CTNNAL1: variants seen among roughly 807,000 people sequenced by gnomAD.
CTNNAL1 encodes the protein alpha-catulin.
In CTNNAL1, 69 loss-of-function variants were observed where a neutral mutation model predicts 93.6. The ratio of observed to expected loss-of-function variants is 0.74; its 90% CI spans 0.61 to 0.90. CTNNAL1 has a LOEUF of 0.90. Among genes scored for constraint, CTNNAL1 ranks in the 40% least tolerant of loss-of-function variants. The pLI, the probability that CTNNAL1 is intolerant of heterozygous loss-of-function variation, is 0.00. For synonymous variants in CTNNAL1, 286 were observed against 305.4 expected, an observed-to-expected ratio of 0.94 and a Z score of 0.66; for missense variants, 836 against 862.0, an observed-to-expected ratio of 0.97 and a Z score of 0.38.
chr9:109,004,902 T>C (rs950703791), intron 1 of CTNNAL1, among the ~76,000 whole-genome samples: 1 of 152,194 alleles, frequency 6.6e-6, no homozygotes, highest in Non-Finnish European at 1.5e-5. Flanking sequence ...ATACTATAAT[T>C]AGCTATCTTA....
At chr9:109,008,008 G>T (rs939107570) in intron 1 of CTNNAL1, among the ~76,000 whole-genome samples, 2 of 151,966 alleles carry the variant, frequency 1.3e-5, no homozygotes, top group African/African-American at 4.8e-5. Context: ...TATAGCTGTG[G>T]TTTATTCATT....
In CTNNAL1 at chr9:109,013,394, A is replaced by G; in HGVS notation, c.49T>C (p.Tyr17His). 1 of 1,501,838 alleles carries G rather than the reference A, an allele frequency of 6.7e-7. No homozygotes were observed. Among genetic ancestry groups the G allele is most frequent in the South Asian group, 1.3e-5 (1 of 79,404 alleles). 93.0% of individuals were successfully genotyped at this position (1,501,838 alleles called of 1,614,324 possible). A position where few individuals can be genotyped will look rare whatever the true frequency, so the allele number is the denominator to read the frequency against. ...GCGAAGCCCGAAGAGCCGGAGCCGT[A>G]GACTGCTCCGGCGCCGCCAACGCCG... ...PAGVGGAGAV[Y>H]GSGSSGFALD... The change falls in exon 1 of 19, where the codon TAC becomes CAC. Residue 17 changes from tyrosine (Y) to histidine (H), a missense_variant. Physicochemically the swap from Tyr to His is moderately conservative, Grantham distance 83 (BLOSUM62 2). Coordinates refer to ENST00000325551, the MANE Select transcript of CTNNAL1 (RefSeq NM_003798.4).
chr9:108,942,902 A>T (rs1356565935), intron 18 of CTNNAL1, 59 bp downstream of exon 18: 1 of 1,608,732 alleles, frequency 6.2e-7, no homozygotes, highest in Admixed American at 1.7e-5. Context: ...TTAAGTAGTA[A>T]CTATTTTCTT....
chr9:108,962,455 A>C (rs1008338919), intron 11 of CTNNAL1, among the ~76,000 whole-genome samples: 1 of 152,172 alleles, frequency 6.6e-6, no homozygotes, highest in Non-Finnish European at 1.5e-5. Context: ...AGAACACTGA[A>C]TTAATGTTGC....
At chr9:108,988,607 A>T (rs902384125) in intron 4 of CTNNAL1, among the ~76,000 whole-genome samples, 3 of 152,326 alleles carry the variant, frequency 2.0e-5, no homozygotes, top group Admixed American at 6.5e-5. Flanking sequence ...CAAAGTCCTT[A>T]CACAGTTTGG....
chr9:108,943,279 T>C (rs1238858856), intron 17 of CTNNAL1, among the ~76,000 whole-genome samples: 1 of 152,052 alleles, frequency 6.6e-6, no homozygotes, highest in East Asian at 1.9e-4. Context: ...GGGTGGAAAA[T>C]TAATCATTCT....
chr9:108,967,366 T>C (rs938267083), intron 10 of CTNNAL1, among the ~76,000 whole-genome samples: 1 of 149,124 alleles, frequency 6.7e-6, no homozygotes, highest in Non-Finnish European at 1.5e-5. Flanking sequence ...TTCCATGGAG[T>C]TGATTATATG....
chr9:108,965,538 C>T lies in CTNNAL1; in HGVS notation c.1441-10G>A, dbSNP rs1830930463. 2.6e-6 allele frequency: 4 copies of T among 1,528,640 alleles called. No homozygotes were observed. Among genetic ancestry groups the T allele is most frequent in the Non-Finnish European group, 3.5e-6 (4 of 1,129,084 alleles). 94.7% of individuals were successfully genotyped at this position (1,528,640 alleles called of 1,614,324 possible). The stretch of plus-strand genomic sequence containing the variant: ...CAGCAGCAGAAATTATCTAAAGAAA[C>T]ACAATATACACCTGTGTGAATTTCA... On this transcript the variant is annotated splice_polypyrimidine_tract_variant and intron_variant, in intron 10 of 18. Coordinates refer to ENST00000325551, the MANE Select transcript of CTNNAL1 (RefSeq NM_003798.4).
chr9:108,976,863 G>A (rs879143687), intron 8 of CTNNAL1, 99 bp downstream of exon 8: 5 of 493,284 alleles, frequency 1.0e-5, no homozygotes, highest in Middle Eastern at 4.8e-4. Context: ...CCATTTTCTA[G>A]GCACAGAGAC....
At chr9:108,967,691 G>A (rs956610422) in intron 10 of CTNNAL1, among the ~76,000 whole-genome samples, 36 of 152,182 alleles carry the variant, frequency 2.4e-4, no homozygotes, top group Non-Finnish European at 7.3e-5. Flanking sequence ...GGAAAATCGA[G>A]GGGAAGTCAT....
intron 10 of CTNNAL1, among the ~76,000 whole-genome samples, chr9:108,966,909 G>A (rs1360073684): frequency 6.6e-6 from 1 of 152,080 alleles, no homozygotes; most frequent in African/African-American, 2.4e-5. Flanking sequence ...AGAAGCCATC[G>A]ACCAGACCCA....
chr9:109,012,856 G>C (rs560603317), intron 1 of CTNNAL1, among the ~76,000 whole-genome samples: 55 of 152,306 alleles, frequency 3.6e-4, no homozygotes, highest in African/African-American at 1.1e-3. Flanking sequence ...AGCCGGGCTC[G>C]GGACCAGGCT....
rs1360182845 is a variant in CTNNAL1, at chr9:108,943,814, C to CAA, written c.1943_1944insTT (p.Lys649Ter). 6.2e-7 allele frequency: 1 copy of CAA among 1,612,788 alleles called. No individual in the cohort carries two copies. The highest frequency in any genetic ancestry group is 1.1e-5 in the South Asian group (1 of 90,658). On this transcript the variant is annotated frameshift_variant and splice_region_variant, in exon 17 of 19. Coordinates refer to ENST00000325551, the MANE Select transcript of CTNNAL1 (RefSeq NM_003798.4). LOFTEE classifies it high-confidence loss of function. ...GAAGCATAAGCTTGTCATCGTCTTT[C>CAA]AGCTGAAATGTAATTTAACAAGTTA... is the stretch of plus-strand genomic sequence containing the variant.
chr9:109,008,960 T>C (rs1827126375), intron 1 of CTNNAL1, among the ~76,000 whole-genome samples: 1 of 141,200 alleles, frequency 7.1e-6, no homozygotes, highest in East Asian at 2.2e-4. Flanking sequence ...AGTGTTGTGA[T>C]CACAGCTCAC....
At chr9:108,949,171 T>C (rs1830487455) in intron 14 of CTNNAL1, among the ~76,000 whole-genome samples, 1 of 152,194 alleles carries the variant, frequency 6.6e-6, no homozygotes, top group African/African-American at 2.4e-5. Context: ...GGAAAACTGC[T>C]ACAAGGTATT....
At chr9:108,964,067 T>C (rs1360021873) in intron 11 of CTNNAL1, among the ~76,000 whole-genome samples, 2 of 152,222 alleles carry the variant, frequency 1.3e-5, no homozygotes, top group African/African-American at 4.8e-5. Flanking sequence ...ACCACTCTTC[T>C]TTTTAAAAGT....
At position 108,965,434 on chromosome 9, in the gene CTNNAL1, A is replaced by ATT; in HGVS notation, c.1533_1534dup (p.Ile512LysfsTer9). The ATT allele has an allele frequency of 6.3e-7, 1 of 1,596,052 alleles. No homozygotes were observed. Among genetic ancestry groups the ATT allele is most frequent in the Non-Finnish European group, 8.5e-7 (1 of 1,171,846 alleles). ...TCTCAGCAGTGTTGACATGTCACTA[A>ATT]TTTGGGATTCCCAAGCTTCACAAAA... On this transcript the variant is annotated frameshift_variant, in exon 11 of 19. Coordinates refer to ENST00000325551, the MANE Select transcript of CTNNAL1 (RefSeq NM_003798.4). LOFTEE classifies it high-confidence loss of function.
Position 109,000,610 on chromosome 9 carries a change from G to C in CTNNAL1, c.142-1354C>G, listed in dbSNP as rs566106211. Among the ~76,000 whole-genome samples the C allele has an allele frequency of 5.3e-5, 8 of 151,752 alleles. No homozygotes were observed. In the South Asian group the frequency reaches 1.7e-3, roughly 32 times the overall value. ...TGACTGGTCTTCCTTCTAAGACAAA[G>C]CGATATTTAAGCTGAGATCTAAATG... On this transcript the variant is annotated intron_variant, in intron 1 of 18. Coordinates refer to ENST00000325551, the MANE Select transcript of CTNNAL1 (RefSeq NM_003798.4).
chr9:108,986,798 A>G (rs202149855), intron 4 of CTNNAL1, among the ~76,000 whole-genome samples: 349 of 136,512 alleles, frequency 2.6e-3, no homozygotes, highest in Admixed American at 3.7e-3. Flanking sequence ...GCATTTTTTC[A>G]TGTGTCTTTT....
Sources: gnomAD v4.1 joint callset for allele counts (sites outside exome capture counted in the v4.1 genomes callset) on GRCh38, gnomAD v4.1.1 for gene constraint, MANE v1.5 for transcripts, NCBI Gene and HGNC (gene_info 2026-07-23, HGNC 2026-07-21) for gene names.